XKR6: variants seen among roughly 807,000 people sequenced by gnomAD.
XKR6 encodes the protein XK-related protein 6.
In XKR6, 22 loss-of-function variants were observed where a neutral mutation model predicts 56.7. The observed-to-expected ratio is 0.39, with a 90% CI of 0.28 to 0.55. XKR6 has a LOEUF of 0.55. XKR6 is among the 20% of genes least tolerant of loss of function. The pLI, the probability that XKR6 is intolerant of heterozygous loss-of-function variation, is 0.66. For missense variants in XKR6, 852 were observed against 889.0 expected (o/e 0.96, Z 0.53); for synonymous variants, 524 against 387.8 (o/e 1.35, Z -4.13).
At chr8:11,166,241 T>C (rs906289225) in intron 1 of XKR6, among the ~76,000 whole-genome samples, 1 of 152,160 alleles carries the variant, frequency 6.6e-6, no homozygotes, top group African/African-American at 2.4e-5. Flanking sequence ...TACTATAAAG[T>C]TGTATATAAA....
intron 1 of XKR6, among the ~76,000 whole-genome samples, chr8:10,980,402 AG>A (rs1473012163): frequency 2.6e-5 from 4 of 152,228 alleles, no homozygotes; most frequent in Non-Finnish European, 5.9e-5. Context: ...GATATTAAAC[AG>A]GGGATTGATC....
rs771172762 is a variant in XKR6 at position 11,178,859 on chromosome 8, A to AG, written c.764+21716dup. Among the ~76,000 whole-genome samples the AG allele has an allele frequency of 1.5e-3, 230 of 151,466 alleles. 1 individual carries two copies. Among genetic ancestry groups the AG allele is most frequent in the Non-Finnish European group, 2.5e-3 (172 of 67,878 alleles). On this transcript the variant is annotated intron_variant, in intron 1 of 2. Coordinates refer to ENST00000416569, the MANE Select transcript of XKR6 (RefSeq NM_173683.4). The stretch of plus-strand genomic sequence containing the variant: ...TCCCTTTTTTCTTTTTTTTAGAGAC[A>AG]GGGTCTCACTCAGGCACCCAGGTTG...
At chr8:10,942,331 C>T (rs1801408480) in intron 1 of XKR6, among the ~76,000 whole-genome samples, 3 of 152,354 alleles carry the variant, frequency 2.0e-5, no homozygotes, top group African/African-American at 7.2e-5. Flanking sequence ...TCCATACATG[C>T]AACACACAGC....
At chr8:10,932,244 C>G (rs1801072342) in intron 1 of XKR6, among the ~76,000 whole-genome samples, 1 of 152,120 alleles carries the variant, frequency 6.6e-6, no homozygotes, top group South Asian at 2.1e-4. Context: ...CTAGAATGCT[C>G]ATATATTGCA....
chr8:10,990,895 C>CTTTTTTTTTTTTTT (rs59410799), intron 1 of XKR6, among the ~76,000 whole-genome samples: 1 of 73,592 alleles, frequency 1.4e-5, no homozygotes, highest in African/African-American at 5.9e-5. Context: ...TGGGGAATGT[C>CTTTTTTTTTTTTTT]TTTTTTTTTT....
intron 1 of XKR6, 129 bp from the exon 2 acceptor site, chr8:10,924,959 G>C (rs763023961): frequency 2.0e-6 from 2 of 1,008,640 alleles, no homozygotes; most frequent in East Asian, 2.6e-5. Flanking sequence ...AGTTCCCAGA[G>C]GCTTGGACGG....
At chr8:11,015,594 G>A (rs79855423) in intron 1 of XKR6, among the ~76,000 whole-genome samples, 1,749 of 152,266 alleles carry the variant, frequency 0.011, 21 homozygotes, top group Non-Finnish European at 0.017. Flanking sequence ...TCTGAAGCCA[G>A]GGGGCTCTGG....
At chr8:11,114,724 C>CGTGTGTGTGT (rs1563146255) in intron 1 of XKR6, among the ~76,000 whole-genome samples, 3 of 122,150 alleles carry the variant, frequency 2.5e-5, no homozygotes, top group African/African-American at 1.4e-4. Context: ...ACTTAGATCA[C>CGTGTGTGTGT]ATATGTGTGT....
intron 2 of XKR6, among the ~76,000 whole-genome samples, chr8:10,919,384 C>T (rs1005820858): frequency 5.3e-5 from 8 of 152,184 alleles, no homozygotes; most frequent in East Asian, 3.8e-4. Context: ...AACCATCACG[C>T]GTTGTCTAAT....
intron 1 of XKR6, among the ~76,000 whole-genome samples, chr8:11,027,405 T>C (rs1798894619): frequency 1.3e-5 from 2 of 152,190 alleles, no homozygotes; most frequent in Admixed American, 1.3e-4. Context: ...TACTGGAAAA[T>C]TTAAAACCCC....
intron 1 of XKR6, among the ~76,000 whole-genome samples, chr8:11,179,678 T>C (rs10093053): frequency 0.58 from 87,606 of 152,018 alleles, 28,607 homozygotes; most frequent in African/African-American, 0.87. Flanking sequence ...CTTGGCCCAA[T>C]TGCTCGGTGT....
intron 1 of XKR6, chr8:11,108,603 C>G (rs1247669138): frequency 6.2e-6 from 2 of 321,266 alleles, no homozygotes; most frequent in Non-Finnish European, 1.2e-5. Context: ...CTGGGGCAGC[C>G]CTTTGCAGAG....
At chr8:11,191,252 C>A (rs1313722806) in intron 1 of XKR6, among the ~76,000 whole-genome samples, 2 of 152,222 alleles carry the variant, frequency 1.3e-5, no homozygotes, top group African/African-American at 4.8e-5. Context: ...GTTTAAAACA[C>A]ATACACCCAC....
At chr8:11,161,529 C>A (rs1299516179) in intron 1 of XKR6, among the ~76,000 whole-genome samples, 1 of 152,194 alleles carries the variant, frequency 6.6e-6, no homozygotes, top group Non-Finnish European at 1.5e-5. Flanking sequence ...TAACAATGAC[C>A]ACAATGCACA....
At chr8:10,989,300 T>A (rs945873298) in intron 1 of XKR6, among the ~76,000 whole-genome samples, 7 of 152,272 alleles carry the variant, frequency 4.6e-5, no homozygotes, top group South Asian at 2.1e-4. Flanking sequence ...ACTTTTCTTA[T>A]AATTCCTTTC....
intron 2 of XKR6, among the ~76,000 whole-genome samples, chr8:10,910,587 A>G (rs146887925): frequency 1.3e-5 from 2 of 152,274 alleles, no homozygotes; most frequent in African/African-American, 2.4e-5. Context: ...GCTCTCCTGG[A>G]CCCTGGGCTC....
At chr8:11,080,590 C>A (rs1225739498) in intron 1 of XKR6, among the ~76,000 whole-genome samples, 1 of 72 alleles carries the variant, frequency 0.014, no homozygotes, top group Non-Finnish European at 0.021. Context: ...ACAGTCTGGG[C>A]AGGCCCCCAG....
intron 1 of XKR6, among the ~76,000 whole-genome samples, chr8:11,082,878 C>A (rs763251194): frequency 2.1e-4 from 32 of 152,234 alleles, no homozygotes; most frequent in Non-Finnish European, 4.3e-4. Flanking sequence ...AAAGTGGAGT[C>A]CCAGGCAGTG....
intron 1 of XKR6, among the ~76,000 whole-genome samples, chr8:11,038,497 TTGTGTGTG>T (rs34388531): frequency 0.091 from 11,849 of 130,134 alleles, 603 homozygotes; most frequent in African/African-American, 0.15. Flanking sequence ...TGTAGTCATT[TTGTGTGTG>T]TGTGTGTGTG....
Sources: gnomAD v4.1 joint callset for allele counts (sites outside exome capture counted in the v4.1 genomes callset) on GRCh38, gnomAD v4.1.1 for gene constraint, MANE v1.5 for transcripts, NCBI Gene and HGNC (gene_info 2026-07-23, HGNC 2026-07-21) for gene names.